NEK8: variants seen among roughly 807,000 people sequenced by gnomAD.
NEK8 encodes the protein NIMA related kinase 8, also known as serine/threonine-protein kinase Nek8.
In NEK8, 51 loss-of-function variants were observed where a neutral mutation model predicts 77.2. That is an observed-to-expected ratio of 0.66 (90% confidence interval 0.53 to 0.83). The LOEUF (loss-of-function observed/expected upper bound fraction) is 0.83, where lower values mean the gene tolerates loss of function less well. NEK8 is among the 40% of genes least tolerant of loss of function. The pLI is 0.00. For missense variants in NEK8, 787 were observed against 909.2 expected, an observed-to-expected ratio of 0.87 and a Z score of 1.73; for synonymous variants, 365 against 363.2, an observed-to-expected ratio of 1.00 and a Z score of -0.06.
At position 28,741,194 on chromosome 17, in the gene NEK8, A is replaced by G; in HGVS notation, c.1849A>G (p.Met617Val). The change falls in exon 13 of 15, where the codon ATG becomes GTG. Residue 617 changes from methionine (M) to valine (V), a missense_variant. Met to Val is a conservative substitution (Grantham distance 21). Transcript: ENST00000268766. The surrounding 1 kb of genome is among the most constrained non-coding windows in gnomAD (Gnocchi z 4.5). ...AGGCCTTGAGGGCATCAAGATGGCA[A>G]TGGTAGCCTGTGGGGATGCCTTCAC... is the stretch of plus-strand genomic sequence containing the variant. ...VQGLEGIKMA[M>V]VACGDAFTVA... 1 of 1,612,742 alleles carries G rather than the reference A, an allele frequency of 6.2e-7. No individual in the cohort carries two copies. Among genetic ancestry groups the G allele is most frequent in the African/African-American group, 1.3e-5 (1 of 74,934 alleles).
At position 28,743,234 on chromosome 17, in the gene NEK8, C is replaced by G. The variant is rs1040062667; in HGVS notation, c.*1247C>G. ...TGGGCGGTCCCCGGGAGTGCTGCCA[C>G]CTCCCCTACACTTTCATCCTGAGGC... On this transcript the variant is annotated 3_prime_UTR_variant, in exon 15 of 15. Transcript: ENST00000268766. 6.6e-6 allele frequency: 1 copy of G among 152,130 alleles called. No homozygotes were observed. Among genetic ancestry groups the G allele is most frequent in the Non-Finnish European group, 1.5e-5 (1 of 68,088 alleles). The allele number at this position is 152,130 out of a possible 1,614,324, so 9.4% of individuals were successfully genotyped here.
In NEK8 at chr17:28,734,971, C is replaced by G. The variant is rs2034348487; in HGVS notation, c.453C>G (p.Ser151=). 1 of 1,613,176 alleles carries G rather than the reference C, an allele frequency of 6.2e-7. No individual in the cohort carries two copies. The highest frequency in any genetic ancestry group is 8.5e-7 in the Non-Finnish European group (1 of 1,179,976). ...TCAAGATCGGTGATTTCGGCATCTC[C>G]AAGATCCTTAGCAGCAAGAGCAAGG... ...MVVKIGDFGI[S]KILSSKSKAY... Residue 151 remains serine, a synonymous_variant, in exon 3 of 15, where the codon TCC becomes TCG. Transcript: ENST00000268766.
chr17:28,731,333 A>G (rs2034304463), intron 1 of NEK8, among the ~76,000 whole-genome samples: 1 of 151,878 alleles, frequency 6.6e-6, no homozygotes, highest in African/African-American at 2.4e-5. Context: ...AGGTCAAGAG[A>G]TCGAGACCAT....
rs912746839 is a variant in NEK8 at position 28,739,739 on chromosome 17, G to A, written c.1417+538G>A. Among the ~76,000 whole-genome samples the A allele has an allele frequency of 3.9e-5, 6 of 152,126 alleles. No homozygotes were observed. The South Asian group carries it at 1.0e-3, about 26-fold the overall frequency. ...TGGGATTACAGGCGTGAGCCACCAC[G>A]CCTGGCCCATCCACTAATTTTTTTT... On this transcript the variant is annotated intron_variant, in intron 10 of 14. Coordinates refer to ENST00000268766, the MANE Select transcript of NEK8 (RefSeq NM_178170.3).
intron 10 of NEK8, among the ~76,000 whole-genome samples, chr17:28,739,441 C>G (rs74634653): frequency 4.9e-4 from 75 of 152,260 alleles, no homozygotes; most frequent in African/African-American, 1.8e-3. Context: ...AAATTTCATT[C>G]ATCCACCTAG....
chr17:28,739,791 C>T (rs1424104988), intron 10 of NEK8, among the ~76,000 whole-genome samples: 1 of 152,066 alleles, frequency 6.6e-6, no homozygotes, highest in Non-Finnish European at 1.5e-5. Context: ...GGTCAGGCAT[C>T]AGGCTGGCCA....
Position 28,741,071 on chromosome 17 carries a change from C to T in NEK8, c.1733-7C>T. ...TGAAGCACCCCTTTCCTTCCTCTCCCCCATAGCCTCGGGTGATTGCTACAC... is the reference window on the plus strand; with the variant it reads ...TGAAGCACCCCTTTCCTTCCTCTCCTCCATAGCCTCGGGTGATTGCTACAC... On this transcript the variant is annotated splice_region_variant and splice_polypyrimidine_tract_variant and intron_variant, in intron 12 of 14. Transcript: ENST00000268766. This position sits in a 1 kb window ranked among gnomAD's most constrained non-coding sequence, Gnocchi z 4.5. 2 of 1,614,236 alleles carry T rather than the reference C, an allele frequency of 1.2e-6. No homozygotes were observed. Among genetic ancestry groups the T allele is most frequent in the Non-Finnish European group, 1.7e-6 (2 of 1,180,032 alleles).
intron 1 of NEK8, among the ~76,000 whole-genome samples, chr17:28,731,272 G>A (rs1276687400): frequency 6.6e-6 from 1 of 151,908 alleles, no homozygotes; most frequent in African/African-American, 2.4e-5. Flanking sequence ...CGGGCGTGGG[G>A]GTCATGCCTG....
In NEK8 at chr17:28,741,682, GA is replaced by G; in HGVS notation, c.2050+112del. 1 of 1,344,292 alleles carries G rather than the reference GA, an allele frequency of 7.4e-7. No homozygotes were observed. Among genetic ancestry groups the G allele is most frequent in the Non-Finnish European group, 1.1e-6 (1 of 941,656 alleles). The allele number at this position is 1,344,292 out of a possible 1,614,324, so 83.3% of individuals were successfully genotyped here. On this transcript the variant is annotated intron_variant, in intron 14 of 14. Transcript: ENST00000268766. This position sits in a 1 kb window ranked among gnomAD's most constrained non-coding sequence, Gnocchi z 4.5. ...TCACCAAAAGCATCTTTAGCCCCCA[GA>G]TAAAAAAAGCAGAAGCTGCGGTTGA...
Position 28,740,694 on chromosome 17 carries a change from A to C in NEK8, c.1568+81A>C. 2 of 1,589,886 alleles carry C rather than the reference A, an allele frequency of 1.3e-6. No homozygotes were observed. The highest frequency in any genetic ancestry group is 1.7e-6 in the Non-Finnish European group (2 of 1,158,928). On this transcript the variant is annotated intron_variant, in intron 11 of 14. Transcript: ENST00000268766. This position sits in a 1 kb window ranked among gnomAD's most constrained non-coding sequence, Gnocchi z 4.7. ...CTCCGTCCATCATTGCCTACCTTTC[A>C]CCAAAGACCAGAATTGAGGGGGTTG...
rs1597804025 is a variant in NEK8, at chr17:28,731,703, A to C, written c.48-2280A>C. 2.0e-5 allele frequency among the ~76,000 whole-genome samples: 3 copies of C among 149,272 alleles called. No homozygotes were observed. The South Asian group carries it at 6.4e-4, about 32-fold the overall frequency. ...ATTGCAAGCTCCGCCTCCCAGGTTC[A>C]CGCCATTCTTCTGCCTCAGCCTCCC... On this transcript the variant is annotated intron_variant, in intron 1 of 14. Coordinates refer to ENST00000268766, the MANE Select transcript of NEK8 (RefSeq NM_178170.3).
chr17:28,734,615 G>C lies in NEK8; in HGVS notation c.254-157G>C, dbSNP rs533072158. 8.5e-5 allele frequency: 54 copies of C among 635,776 alleles called. No homozygotes were observed. The African/African-American group carries it at 9.1e-4, about 11-fold the overall frequency. The allele number at this position is 635,776 out of a possible 1,614,324, so 39.4% of individuals were successfully genotyped here. ...AGGAGAATGGCTTGAACCCGGGAGG[G>C]GGGGCTTGCAGCAGTGAGCTGAGAT... is the stretch of plus-strand genomic sequence containing the variant. On this transcript the variant is annotated intron_variant, in intron 2 of 14. Coordinates refer to ENST00000268766, the MANE Select transcript of NEK8 (RefSeq NM_178170.3).
At chr17:28,735,459 C>T in intron 4 of NEK8, 88 bp downstream of exon 4, 1 of 1,423,016 alleles carries the variant, frequency 7.0e-7, no homozygotes, top group Non-Finnish European at 9.6e-7. Flanking sequence ...GGTTTCTCCT[C>T]TAGCTGAGTC....
chr17:28,733,962 C>G (rs200648580), intron 1 of NEK8, 21 bp from the exon 2 acceptor site: 6 of 1,610,370 alleles, frequency 3.7e-6, no homozygotes, highest in Non-Finnish European at 4.2e-6. Context: ...GGTAACCTGT[C>G]CCTGTCCTCC....
intron 8 of NEK8, among the ~76,000 whole-genome samples, 177 bp from the exon 9 acceptor site, chr17:28,738,494 C>T (rs565219329): frequency 6.6e-6 from 1 of 152,196 alleles, no homozygotes; most frequent in East Asian, 1.9e-4. Flanking sequence ...GAGGGTGTCA[C>T]TTGTCCAAAG....
At position 28,741,016 on chromosome 17, in the gene NEK8, G is replaced by A. The variant is rs1338213622; in HGVS notation, c.1732+31G>A. 9 of 1,614,134 alleles carry A rather than the reference G, an allele frequency of 5.6e-6. No individual in the cohort carries two copies. Among genetic ancestry groups the A allele is most frequent in the Non-Finnish European group, 7.6e-6 (9 of 1,180,000 alleles). On this transcript the variant is annotated intron_variant, in intron 12 of 14. Coordinates refer to ENST00000268766, the MANE Select transcript of NEK8 (RefSeq NM_178170.3). This position sits in a 1 kb window ranked among gnomAD's most constrained non-coding sequence, Gnocchi z 4.5. ...GAGGACTTGGGCTCTGGAGGTCAGA[G>A]GGGGACTCACGGTCTCCTTGGTACC...
chr17:28,731,453 T>C (rs2034305784), intron 1 of NEK8, among the ~76,000 whole-genome samples: 1 of 151,270 alleles, frequency 6.6e-6, no homozygotes, highest in Non-Finnish European at 1.5e-5. Context: ...GGAGGAGAAT[T>C]GCTTGAACCT....
At position 28,740,593 on chromosome 17, in the gene NEK8, C is replaced by T. The variant is rs750034321; in HGVS notation, c.1548C>T (p.Ala516=). ...SSMILTVPGQ[A]LACGSNRFNK... The stretch of plus-strand genomic sequence containing the variant: ...TGATCCTCACTGTGCCTGGCCAAGC[C>T]CTAGCCTGTGGGAGCAACAGGTGAA... The change falls in exon 11 of 15, where the codon GCC becomes GCT. Residue 516 remains alanine (A), a synonymous_variant. Transcript: ENST00000268766. The surrounding 1 kb of genome is among the most constrained non-coding windows in gnomAD (Gnocchi z 4.7). 1 of 1,614,080 alleles carries T rather than the reference C, an allele frequency of 6.2e-7. No homozygotes were observed. Among genetic ancestry groups the T allele is most frequent in the Admixed American group, 1.7e-5 (1 of 60,004 alleles).
intron 2 of NEK8, 32 bp from the exon 3 acceptor site, chr17:28,734,740 G>C: frequency 6.7e-7 from 1 of 1,486,944 alleles, no homozygotes; most frequent in South Asian, 1.1e-5. Flanking sequence ...GTGTGAGAAA[G>C]CCTGGATCTT....
Sources: allele counts gnomAD v4.1 joint callset (sites outside exome capture counted in the v4.1 genomes callset), GRCh38; gene constraint gnomAD v4.1.1; non-coding constraint Gnocchi (gnomAD v3.1); transcripts MANE v1.5; gene names NCBI Gene and HGNC (gene_info 2026-07-23, HGNC 2026-07-21).